DLG2: variants seen among roughly 807,000 people sequenced by gnomAD.
DLG2 encodes the protein discs large MAGUK scaffold protein 2, also known as disks large homolog 2.
Under a neutral mutation model 132.5 loss-of-function variants are expected in DLG2, and 45 were observed. The observed-to-expected ratio is 0.34, with a 90% CI of 0.27 to 0.44. The LOEUF (loss-of-function observed/expected upper bound fraction) is 0.44. DLG2 is among the 20% of genes least tolerant of loss of function. DLG2 has a pLI of 1.00. For missense variants in DLG2, 1,045 were observed against 1,196.9 expected (o/e 0.87, Z 1.87); for synonymous variants, 424 against 419.6 (o/e 1.01, Z -0.13).
At chr11:84,731,013 T>C (rs1336809409) in intron 6 of DLG2, among the ~76,000 whole-genome samples, 2 of 152,072 alleles carry the variant, frequency 1.3e-5, no homozygotes, top group African/African-American at 4.8e-5. Context: ...ACAGCCCACC[T>C]AGATTCTTAT....
At chr11:85,166,502 T>G (rs1229119001) in intron 4 of DLG2, among the ~76,000 whole-genome samples, 1 of 152,100 alleles carries the variant, frequency 6.6e-6, no homozygotes, top group Non-Finnish European at 1.5e-5. Context: ...GACTCCCTCC[T>G]CCACACAGCC....
chr11:84,689,529 G>A (rs2057769754), intron 6 of DLG2, among the ~76,000 whole-genome samples: 1 of 151,998 alleles, frequency 6.6e-6, no homozygotes, highest in Admixed American at 6.6e-5. Context: ...AAATTTATAA[G>A]TATTTATTAT....
chr11:83,703,925 GA>G (rs1203335323), intron 18 of DLG2, among the ~76,000 whole-genome samples: 6 of 151,300 alleles, frequency 4.0e-5, no homozygotes, highest in African/African-American at 1.5e-4. Context: ...TTTTACAAAA[GA>G]AAAAAAATGT....
In DLG2 at chr11:83,804,579, G is replaced by GACACACACACACACACACACACAC. The variant is rs61221099; in HGVS notation, c.1723-17811_1723-17788dup. Among the ~76,000 whole-genome samples, 302 of 142,108 alleles carry GACACACACACACACACACACACAC rather than the reference G, an allele frequency of 2.1e-3. 2 individuals carry two copies. The highest frequency in any genetic ancestry group is 4.8e-3 in the East Asian group (23 of 4,776). 93.2% of individuals were successfully genotyped at this position (142,108 alleles called of 152,430 possible). A position where few individuals can be genotyped will look rare whatever the true frequency, so the allele number is the denominator to read the frequency against. ...TTACCTACCTATCTGCCTAGCAGAA[G>GACACACACACACACACACACACAC]ACACACACACACACACACACACACA... On this transcript the variant is annotated intron_variant, in intron 17 of 27. Coordinates refer to ENST00000376104, the MANE Select transcript of DLG2 (RefSeq NM_001142699.3).
At chr11:84,912,226 G>A (rs1462151278) in intron 6 of DLG2, among the ~76,000 whole-genome samples, 1 of 152,158 alleles carries the variant, frequency 6.6e-6, no homozygotes, top group Non-Finnish European at 1.5e-5. Flanking sequence ...CTCGATCTCG[G>A]CTCACTGCAA....
At chr11:84,934,166 A>G (rs2048414479) in intron 6 of DLG2, among the ~76,000 whole-genome samples, 1 of 152,074 alleles carries the variant, frequency 6.6e-6, no homozygotes, top group Non-Finnish European at 1.5e-5. Flanking sequence ...TTATGCGATA[A>G]ATCACATTTA....
At chr11:84,402,919 A>G (rs989912889) in intron 7 of DLG2, among the ~76,000 whole-genome samples, 4 of 150,628 alleles carry the variant, frequency 2.7e-5, no homozygotes, top group Admixed American at 2.6e-4. Flanking sequence ...AGAATTCATT[A>G]TGTATCTTAC....
chr11:84,457,644 T>C (rs2099068878), intron 7 of DLG2, among the ~76,000 whole-genome samples: 1 of 150,970 alleles, frequency 6.6e-6, no homozygotes, highest in Admixed American at 6.6e-5. Flanking sequence ...CATTGAACAT[T>C]AAACAGAGTG....
chr11:84,147,965 T>G (rs1421841326), intron 9 of DLG2, among the ~76,000 whole-genome samples: 4 of 151,956 alleles, frequency 2.6e-5, no homozygotes, highest in African/African-American at 9.7e-5. Context: ...ATTTTTATTT[T>G]TATTTTTTTT....
At chr11:84,540,046 T>A (rs1267536216) in intron 6 of DLG2, among the ~76,000 whole-genome samples, 1 of 152,170 alleles carries the variant, frequency 6.6e-6, no homozygotes, top group Non-Finnish European at 1.5e-5. Flanking sequence ...TAATTCAAGA[T>A]GGATTAAAGA....
intron 6 of DLG2, among the ~76,000 whole-genome samples, chr11:84,942,321 T>G (rs2049546965): frequency 6.6e-6 from 1 of 152,198 alleles, no homozygotes; most frequent in South Asian, 2.1e-4. Flanking sequence ...AATCACTGGT[T>G]GTTTATTTGA....
chr11:84,184,751 G>A (rs1338609986), intron 8 of DLG2, among the ~76,000 whole-genome samples: 9 of 152,010 alleles, frequency 5.9e-5, no homozygotes, highest in African/African-American at 1.7e-4. Context: ...TTTTGTATAA[G>A]GTGTAAGGAA....
chr11:84,540,694 C>T (rs1176480040), intron 6 of DLG2, among the ~76,000 whole-genome samples: 45 of 152,160 alleles, frequency 3.0e-4, no homozygotes, highest in Middle Eastern at 3.4e-3. Flanking sequence ...TTACTGGGTA[C>T]ATACCCAAAG....
intron 4 of DLG2, among the ~76,000 whole-genome samples, chr11:85,201,631 A>G (rs2081468068): frequency 6.6e-6 from 1 of 152,240 alleles, no homozygotes; most frequent in African/African-American, 2.4e-5. Context: ...AAAGAAGTAC[A>G]GGCACAAAAA....
chr11:84,444,960 G>C (rs888978703), intron 7 of DLG2, among the ~76,000 whole-genome samples: 3 of 151,856 alleles, frequency 2.0e-5, no homozygotes, highest in African/African-American at 7.3e-5. Flanking sequence ...GTGCCACCAC[G>C]CCGAGCTAAT....
chr11:85,274,219 G>A (rs1051254301), intron 4 of DLG2, among the ~76,000 whole-genome samples: 11 of 152,098 alleles, frequency 7.2e-5, no homozygotes, highest in Non-Finnish European at 1.3e-4. Flanking sequence ...AAACCTGCAC[G>A]CTGTGCACAT....
chr11:84,650,880 T>TACATACATATATATATACATATATA (rs1565561397), intron 6 of DLG2, among the ~76,000 whole-genome samples: 1 of 90,342 alleles, frequency 1.1e-5, no homozygotes, highest in South Asian at 4.2e-4. Context: ...TGTGTATATA[T>TACATACATATATATATACATATATA]ATATATATAT....
chr11:84,872,061 C>G (rs1042493566), intron 6 of DLG2, among the ~76,000 whole-genome samples: 10 of 152,188 alleles, frequency 6.6e-5, no homozygotes, highest in Admixed American at 2.0e-4. Flanking sequence ...TCTAATTCCT[C>G]TGAAGGTACA....
intron 4 of DLG2, among the ~76,000 whole-genome samples, chr11:85,233,364 C>G (rs779016546): frequency 8.6e-5 from 13 of 151,936 alleles, no homozygotes; most frequent in Non-Finnish European, 1.8e-4. Flanking sequence ...CTTCTCCTAA[C>G]TGTAATGTTA....
Sources: allele counts gnomAD v4.1 joint callset (sites outside exome capture counted in the v4.1 genomes callset), GRCh38; gene constraint gnomAD v4.1.1; transcripts MANE v1.5; gene names NCBI Gene and HGNC (gene_info 2026-07-23, HGNC 2026-07-21).